TRMT11: variants seen among roughly 807,000 people sequenced by gnomAD.
TRMT11 encodes tRNA methyltransferase 11.
In TRMT11, 53 loss-of-function variants were observed where a neutral mutation model predicts 62.8. The ratio of observed to expected loss-of-function variants is 0.84; its 90% CI spans 0.68 to 1.06. The LOEUF (loss-of-function observed/expected upper bound fraction) is 1.06. Ranked by LOEUF, TRMT11 falls within the 50% of genes least tolerant of loss-of-function variation. The probability of loss-of-function intolerance (pLI) is 0.00; values close to 1 mark genes in which losing one functional copy is unlikely to be tolerated. For synonymous variants in TRMT11, 188 were observed against 190.3 expected (o/e 0.99, Z 0.10); for missense variants, 556 against 553.4 (o/e 1.00, Z -0.05).
the TRMT11 span, among the ~76,000 whole-genome samples, chr6:126,214,365 T>C: frequency 2.9e-4 from 44 of 152,128 alleles, no homozygotes; most frequent in South Asian, 1.0e-3. Flanking sequence ...CATCAGGTCT[T>C]GGGCTTTTCT....
At chr6:126,169,660 T>C (rs747054193) in intron 21 of TRMT11, among the ~76,000 whole-genome samples, 7 of 152,296 alleles carry the variant, frequency 4.6e-5, no homozygotes, top group Non-Finnish European at 7.4e-5. Context: ...ATATTTTACA[T>C]AGGACACAAA....
chr6:126,252,590 G>T, the TRMT11 span, among the ~76,000 whole-genome samples: 1 of 152,140 alleles, frequency 6.6e-6, no homozygotes, highest in Non-Finnish European at 1.5e-5. Context: ...TTCTGCCTGT[G>T]GTTAAAACAA....
the TRMT11 span, among the ~76,000 whole-genome samples, chr6:126,227,145 G>A: frequency 3.4e-4 from 51 of 152,154 alleles, no homozygotes; most frequent in African/African-American, 1.2e-3. Context: ...AATAGATATT[G>A]ATTTTTAATT....
intron 17 of TRMT11, among the ~76,000 whole-genome samples, chr6:126,066,962 C>T (rs760994750): frequency 1.1e-4 from 17 of 151,712 alleles, no homozygotes; most frequent in South Asian, 2.1e-4. Flanking sequence ...CAGTGGCTCA[C>T]GCCTGTAATC....
At chr6:126,235,564 C>T in the TRMT11 span, among the ~76,000 whole-genome samples, 1 of 152,268 alleles carries the variant, frequency 6.6e-6, no homozygotes, top group East Asian at 1.9e-4. Flanking sequence ...ATGGATGCAG[C>T]TGGAAACTAT....
In TRMT11 at chr6:126,093,627, A is replaced by ATTTTTTTT. The variant is rs1343339966; in HGVS notation, c.*1438-19238_*1438-19237insTTTTTTTT. 3.1e-4 allele frequency among the ~76,000 whole-genome samples: 29 copies of ATTTTTTTT among 94,636 alleles called. 3 individuals are homozygous for ATTTTTTTT. The highest frequency in any genetic ancestry group is 1.3e-3 in the African/African-American group (27 of 21,150). The allele number at this position is 94,636 out of a possible 152,430, so 62.1% of individuals were successfully genotyped here. A position where few individuals can be genotyped will look rare whatever the true frequency, so the allele number is the denominator to read the frequency against. On this transcript the variant is annotated intron_variant and NMD_transcript_variant, in intron 17 of 22. Transcript: ENST00000648977. ...TATATATATATATATATATATATAT[A>ATTTTTTTT]TATATTTTCCCCCAGTCCTGGAGGA...
chr6:126,130,450 G>T (rs187469608), intron 21 of TRMT11, among the ~76,000 whole-genome samples: 1 of 152,032 alleles, frequency 6.6e-6, no homozygotes, highest in Non-Finnish European at 1.5e-5. Context: ...TAAATAACGT[G>T]CCAGCAGGCT....
chr6:126,144,108 T>C (rs887023599), intron 21 of TRMT11, among the ~76,000 whole-genome samples: 2 of 152,204 alleles, frequency 1.3e-5, no homozygotes, highest in African/African-American at 4.8e-5. Context: ...GAGTATGCAT[T>C]GTTTCTCCAT....
At chr6:126,088,573 C>T (rs980299401) in intron 17 of TRMT11, among the ~76,000 whole-genome samples, 6 of 152,166 alleles carry the variant, frequency 3.9e-5, no homozygotes, top group African/African-American at 1.2e-4. Context: ...TCAAGATTAC[C>T]TTGGTAACTA....
At chr6:126,168,440 T>C (rs1427744013) in intron 21 of TRMT11, among the ~76,000 whole-genome samples, 1 of 152,188 alleles carries the variant, frequency 6.6e-6, no homozygotes, top group African/African-American at 2.4e-5. Context: ...TGAGGCTAAG[T>C]TTTTGCCAGC....
At chr6:126,175,252 T>A (rs930386257), upstream of TRMT11, among the ~76,000 whole-genome samples, 1 of 152,188 alleles carries the variant, frequency 6.6e-6, no homozygotes, top group African/African-American at 2.4e-5. Flanking sequence ...AAACCTGCTA[T>A]AGCTTGATCT....
chr6:126,200,212 G>A (rs1280366804), intron 3 of TRMT11, among the ~76,000 whole-genome samples: 4 of 152,188 alleles, frequency 2.6e-5, no homozygotes, highest in African/African-American at 9.7e-5. Flanking sequence ...TCTCCCAGTG[G>A]AGGATTTTAC....
chr6:126,225,685 ATTTTTTTT>A, the TRMT11 span, among the ~76,000 whole-genome samples: 2,930 of 95,270 alleles, frequency 0.031, 48 homozygotes, highest in Non-Finnish European at 0.04. Context: ...TATGTTTACT[ATTTTTTTT>A]TTTTTTTTTT....
intron 21 of TRMT11, among the ~76,000 whole-genome samples, chr6:126,167,348 C>T (rs1398496783): frequency 6.6e-6 from 1 of 152,206 alleles, no homozygotes; most frequent in Non-Finnish European, 1.5e-5. Flanking sequence ...TCCCTAACAG[C>T]TTCCCTTGGC....
At chr6:126,272,178 G>T in the TRMT11 span, among the ~76,000 whole-genome samples, 6 of 152,152 alleles carry the variant, frequency 3.9e-5, no homozygotes, top group African/African-American at 9.6e-5. Flanking sequence ...TGTATATGGC[G>T]CTTGCATTGG....
the TRMT11 span, among the ~76,000 whole-genome samples, chr6:126,270,379 T>C: frequency 6.6e-6 from 1 of 152,154 alleles, no homozygotes; most frequent in Non-Finnish European, 1.5e-5. Flanking sequence ...TGGATTAAAA[T>C]TGGTTGTAAC....
At chr6:126,040,312 T>A (rs1319435886), downstream of TRMT11, among the ~76,000 whole-genome samples, 1 of 152,124 alleles carries the variant, frequency 6.6e-6, no homozygotes, top group Non-Finnish European at 1.5e-5. Context: ...CTAATTGAGG[T>A]CTTCTAAACT....
chr6:126,140,945 C>T (rs1777910343), intron 21 of TRMT11, among the ~76,000 whole-genome samples: 1 of 152,002 alleles, frequency 6.6e-6, no homozygotes, highest in African/African-American at 2.4e-5. Context: ...TCTTAAACTC[C>T]ATGTTTCCTC....
upstream of TRMT11, among the ~76,000 whole-genome samples, chr6:126,175,082 A>G (rs780760681): frequency 1.4e-4 from 22 of 152,204 alleles, no homozygotes; most frequent in Non-Finnish European, 2.9e-4. Context: ...TTCAGCCAGT[A>G]TGATACACAT....
Sources: allele counts gnomAD v4.1 joint callset (sites outside exome capture counted in the v4.1 genomes callset), GRCh38; gene constraint gnomAD v4.1.1; transcripts MANE v1.5; gene names NCBI Gene and HGNC (gene_info 2026-07-23, HGNC 2026-07-21).